Variants in PPM1E observed in about 807,000 individuals in gnomAD.
The protein encoded by PPM1E is protein phosphatase, Mg2+/Mn2+ dependent 1E, also known as protein phosphatase 1E.
In PPM1E, 20 loss-of-function variants were observed where a neutral mutation model predicts 65.9. That is an observed-to-expected ratio of 0.30 (90% CI 0.21 to 0.44). PPM1E has a LOEUF of 0.44. Among genes scored for constraint, PPM1E ranks in the 20% least tolerant of loss-of-function variants. PPM1E has a pLI of 1.00. For missense variants in PPM1E, 713 were observed against 953.1 expected (o/e 0.75, Z 3.32); for synonymous variants, 352 against 374.9 (o/e 0.94, Z 0.70).
At chr17:58,962,020 C>T (rs550538197) in intron 2 of PPM1E, among the ~76,000 whole-genome samples, 8 of 152,232 alleles carry the variant, frequency 5.3e-5, no homozygotes, top group Admixed American at 5.2e-4. Context: ...CGTGGTGGCT[C>T]ACATCTGTAA....
intron 1 of PPM1E, among the ~76,000 whole-genome samples, chr17:58,839,177 A>G (rs879649956): frequency 1.3e-5 from 2 of 152,132 alleles, no homozygotes; most frequent in East Asian, 1.9e-4. Context: ...AAATTTAACA[A>G]TAGCTTTCAC....
chr17:58,814,402 C>T lies in PPM1E; in HGVS notation c.464+57941C>T, dbSNP rs2050396525. On this transcript the variant is annotated intron_variant, in intron 1 of 6. Transcript: ENST00000308249. ...ATTTTTATATACACATTTGAGACTTCTAACAACAGCCAAGGGAGCTATGTA... is the reference window on the plus strand; with the variant it reads ...ATTTTTATATACACATTTGAGACTTTTAACAACAGCCAAGGGAGCTATGTA... 3.9e-5 allele frequency among the ~76,000 whole-genome samples: 6 copies of T among 152,272 alleles called. No homozygotes were observed. The South Asian group carries it at 1.2e-3, about 32-fold the overall frequency.
chr17:58,856,933 G>A (rs1598613148), intron 1 of PPM1E, among the ~76,000 whole-genome samples: 1 of 152,138 alleles, frequency 6.6e-6, no homozygotes, highest in African/African-American at 2.4e-5. Context: ...TCTCTATATG[G>A]AAGTTTTTTT....
chr17:58,768,455 A>G (rs765459693), intron 1 of PPM1E, among the ~76,000 whole-genome samples: 1 of 152,138 alleles, frequency 6.6e-6, no homozygotes, highest in African/African-American at 2.4e-5. Flanking sequence ...TCCAAAGAGC[A>G]TCCGCTTCCC....
chr17:58,914,027 GT>G (rs2051657723), intron 1 of PPM1E, among the ~76,000 whole-genome samples: 1 of 152,156 alleles, frequency 6.6e-6, no homozygotes, highest in African/African-American at 2.4e-5. Context: ...TCCTCCTATA[GT>G]TCATTCCGCC....
chr17:58,894,282 C>T (rs991985699), intron 1 of PPM1E, among the ~76,000 whole-genome samples: 12 of 152,150 alleles, frequency 7.9e-5, no homozygotes, highest in African/African-American at 2.9e-4. Flanking sequence ...ACCACCAGAC[C>T]TGGCTAATTT....
intron 1 of PPM1E, among the ~76,000 whole-genome samples, chr17:58,822,164 G>A (rs1325906930): frequency 6.6e-6 from 1 of 151,990 alleles, no homozygotes; most frequent in Non-Finnish European, 1.5e-5. Flanking sequence ...AAGGAGTTGA[G>A]CAAGTAACAA....
chr17:58,963,812 C>A (rs866495543), intron 2 of PPM1E, among the ~76,000 whole-genome samples: 5 of 152,118 alleles, frequency 3.3e-5, no homozygotes, highest in Non-Finnish European at 4.4e-5. Context: ...TGGCTTGAGC[C>A]CAGGAAGTGG....
At chr17:58,914,853 C>T (rs763839403) in intron 1 of PPM1E, among the ~76,000 whole-genome samples, 10 of 152,002 alleles carry the variant, frequency 6.6e-5, no homozygotes, top group South Asian at 4.2e-4. Flanking sequence ...TATTTTAAGT[C>T]GAGATTTTTG....
At chr17:58,836,999 G>A (rs1438285687) in intron 1 of PPM1E, among the ~76,000 whole-genome samples, 1 of 130,508 alleles carries the variant, frequency 7.7e-6, no homozygotes, top group Admixed American at 8.1e-5. Flanking sequence ...CAGCCTGGGC[G>A]ACAGAGCGAA....
intron 1 of PPM1E, among the ~76,000 whole-genome samples, chr17:58,923,089 C>G (rs2051773671): frequency 8.6e-6 from 1 of 116,008 alleles, no homozygotes; most frequent in South Asian, 3.1e-4. Context: ...AGTTTGAGAC[C>G]AGCCTGGCCA....
At chr17:58,798,525 ATTTTTTT>A (rs78922975) in intron 1 of PPM1E, among the ~76,000 whole-genome samples, 16 of 89,836 alleles carry the variant, frequency 1.8e-4, no homozygotes, top group South Asian at 7.1e-4. Context: ...ACACGGCCCT[ATTTTTTT>A]TTTTTTTTTT....
chr17:58,882,729 C>T (rs926939383), intron 1 of PPM1E, among the ~76,000 whole-genome samples: 4 of 151,882 alleles, frequency 2.6e-5, no homozygotes, highest in African/African-American at 4.8e-5. Context: ...GAGGTCTTTC[C>T]GTAGCAATAC....
intron 1 of PPM1E, among the ~76,000 whole-genome samples, chr17:58,932,543 AAAAC>A (rs761875590): frequency 2.6e-5 from 4 of 152,344 alleles, no homozygotes; most frequent in South Asian, 4.1e-4. Flanking sequence ...ATAAATTATA[AAAAC>A]AAACAAACAA....
intron 1 of PPM1E, among the ~76,000 whole-genome samples, chr17:58,760,530 A>T (rs1338454869): frequency 1.3e-5 from 2 of 152,072 alleles, no homozygotes; most frequent in South Asian, 2.1e-4. Context: ...TGTCATTGTC[A>T]TCTCTTGCCA....
At position 58,755,911 on chromosome 17, in the gene PPM1E, C is replaced by G; in HGVS notation, c.-87C>G. On this transcript the variant is annotated 5_prime_UTR_variant, in exon 1 of 7. Transcript: ENST00000308249. ...CCGGTGCGGCCGTTAACCGCCCTTG[C>G]CGGAGCCCTAGGCTCAAAAGCAGCC... The G allele has an allele frequency of 3.8e-6, 6 of 1,566,566 alleles. No homozygotes were observed. The highest frequency in any genetic ancestry group is 4.3e-6 in the Non-Finnish European group (5 of 1,157,036).
chr17:58,923,006 C>T (rs923110402), intron 1 of PPM1E, among the ~76,000 whole-genome samples: 2 of 152,016 alleles, frequency 1.3e-5, no homozygotes, highest in African/African-American at 4.8e-5. Flanking sequence ...AATATTAGGG[C>T]CAGGTGTGAT....
chr17:58,825,740 T>C (rs1422277318), intron 1 of PPM1E, among the ~76,000 whole-genome samples: 1 of 151,800 alleles, frequency 6.6e-6, no homozygotes, highest in Non-Finnish European at 1.5e-5. Context: ...CGGTTAATTT[T>C]TGTATTTTAA....
At chr17:58,850,184 T>C (rs1186404712) in intron 1 of PPM1E, among the ~76,000 whole-genome samples, 3 of 152,130 alleles carry the variant, frequency 2.0e-5, no homozygotes, top group South Asian at 4.2e-4. Flanking sequence ...GCATGTGAGA[T>C]GGGTCTCCTG....
Sources: allele counts gnomAD v4.1 joint callset (sites outside exome capture counted in the v4.1 genomes callset), GRCh38; gene constraint gnomAD v4.1.1; transcripts MANE v1.5; gene names NCBI Gene and HGNC (gene_info 2026-07-23, HGNC 2026-07-21).